Variants in MKI67 observed in about 807,000 individuals in gnomAD.
The protein encoded by MKI67 is marker of proliferation Ki-67, also known as proliferation marker protein Ki-67.
In MKI67, 152 loss-of-function variants were observed where a neutral mutation model predicts 233.5. The observed-to-expected ratio is 0.65, with a 90% CI of 0.57 to 0.74. The LOEUF is 0.74. Ranked by LOEUF, MKI67 falls within the 30% of genes least tolerant of loss-of-function variation. The probability of loss-of-function intolerance (pLI) is 0.00; values close to 1 mark genes in which losing one functional copy is unlikely to be tolerated. For missense variants in MKI67, 3,940 were observed against 3,885.2 expected (o/e 1.01, Z -0.37); for synonymous variants, 1,465 against 1,418.5 (o/e 1.03, Z -0.74).
rs1315867682 is a variant in MKI67 at position 128,115,506 on chromosome 10, T to C, written c.902A>G (p.His301Arg). The change falls in exon 7 of 15, where the codon CAC becomes CGC. Residue 301 changes from histidine to arginine, a missense_variant. Coordinates refer to ENST00000368654, the MANE Select transcript of MKI67 (RefSeq NM_002417.5). ...AGGTGAAGCAGGCTCTGCCACAGCG[T>C]GGCCGCTCCCACCAGATTTTGGTCT... The part of the protein sequence containing the change: ...KSRPKSGGSG[H>R]AVAEPASPEQ... 1.9e-6 allele frequency: 3 copies of C among 1,614,096 alleles called. No homozygotes were observed. The highest frequency in any genetic ancestry group is 8.5e-7 in the Non-Finnish European group (1 of 1,180,046).
rs571302493 is a variant in MKI67, at chr10:128,101,291, C to T, written c.9672G>A (p.Arg3224=). 8.7e-6 allele frequency: 14 copies of T among 1,614,084 alleles called. No homozygotes were observed. The highest frequency in any genetic ancestry group is 1.0e-5 in the Non-Finnish European group (12 of 1,180,024). ...LESKSVQRVT[R]SVKRCAENPK... ...GATTTTCTGCACACCTCTTGACACT[C>T]CGCGTTACTCTCTGCACAGATTTGC... The change falls in exon 14 of 15, where the codon CGG becomes CGA. Residue 3224 remains arginine, a synonymous_variant. Transcript: ENST00000368654.
rs748229703 is a variant in MKI67, at chr10:128,116,483, C to T, written c.400+8G>A. The T allele has an allele frequency of 6.8e-6, 11 of 1,613,756 alleles. No individual in the cohort carries two copies. In the South Asian group the frequency reaches 1.2e-4, roughly 18 times the overall value. The stretch of plus-strand genomic sequence containing the variant: ...AGGATTCTGGAACAAAACCCAACCA[C>T]TACTCACCAGGGTCAGAAGAGAAGC... On this transcript the variant is annotated splice_region_variant and intron_variant, in intron 6 of 14. Transcript: ENST00000368654.
chr10:128,097,670 C>T lies in MKI67; in HGVS notation c.*1520G>A, dbSNP rs1852239753. 1 of 152,164 alleles carries T rather than the reference C, an allele frequency of 6.6e-6. No individual in the cohort carries two copies. Among genetic ancestry groups the T allele is most frequent in the South Asian group, 2.1e-4 (1 of 4,830 alleles). 9.4% of individuals were successfully genotyped at this position (152,164 alleles called of 1,614,324 possible). A position where few individuals can be genotyped will look rare whatever the true frequency, so the allele number is the denominator to read the frequency against. On this transcript the variant is annotated 3_prime_UTR_variant, in exon 15 of 15. Transcript: ENST00000368654. ...GGAAGCATTTATGCCTCACACCTTC[C>T]AAAGTGCCTCTGCTAAGAGCCACTC...
Position 128,101,601 on chromosome 10 carries a change from T to C in MKI67, c.9362A>G (p.Glu3121Gly). The C allele has an allele frequency of 6.2e-7, 1 of 1,614,184 alleles. No individual in the cohort carries two copies. The highest frequency in any genetic ancestry group is 8.5e-7 in the Non-Finnish European group (1 of 1,180,034). ...TGGGGAGGTCTTCATGGGCTTCTTTTCATTTCTGTTTATTTCTATTCTTTC... is the reference window on the plus strand; with the variant it reads ...TGGGGAGGTCTTCATGGGCTTCTTTCCATTTCTGTTTATTTCTATTCTTTC... ...LAERIEINRN[E>G]KKPMKTSPEM... The change falls in exon 14 of 15, where the codon GAA becomes GGA. Residue 3121 changes from glutamate to glycine, a missense_variant. Glu to Gly is a moderately conservative substitution (Grantham distance 98, BLOSUM62 -2). Transcript: ENST00000368654.
Position 128,115,510 on chromosome 10 carries a change from C to T in MKI67, c.898G>A (p.Gly300Ser), listed in dbSNP as rs567704902. ...GAAGCAGGCTCTGCCACAGCGTGGC[C>T]GCTCCCACCAGATTTTGGTCTTGAC... is the stretch of plus-strand genomic sequence containing the variant. ...RKSRPKSGGSGHAVAEPASPE... is the reference protein window; with the variant it reads ...RKSRPKSGGSSHAVAEPASPE... Residue 300 changes from glycine to serine, a missense_variant, in exon 7 of 15, where the codon GGC becomes AGC. Gly to Ser is a moderately conservative substitution (Grantham distance 56, BLOSUM62 0). Coordinates refer to ENST00000368654, the MANE Select transcript of MKI67 (RefSeq NM_002417.5). 17 of 1,614,172 alleles carry T rather than the reference C, an allele frequency of 1.1e-5. No homozygotes were observed. Among genetic ancestry groups the T allele is most frequent in the Middle Eastern group, 1.6e-4 (1 of 6,062 alleles).
rs1174875429 is a variant in MKI67 at position 128,125,910 on chromosome 10, G to A, written c.-89-154C>T. Among the ~76,000 whole-genome samples the A allele has an allele frequency of 2.0e-5, 3 of 152,064 alleles. No individual in the cohort carries two copies. Among genetic ancestry groups the A allele is most frequent in the African/African-American group, 7.2e-5 (3 of 41,498 alleles). On this transcript the variant is annotated intron_variant, in intron 1 of 14. Transcript: ENST00000368654. This position sits in a 1 kb window ranked among gnomAD's most constrained non-coding sequence, Gnocchi z 5.3. ...GCAGCCCCCGGCGCCCCAAAGTCCG[G>A]CAGCTGGGGTGTTGTCGCCAGCGCC...
rs1321652458 is a variant in MKI67, at chr10:128,103,907, C to T, written c.7933G>A (p.Val2645Ile). 1 of 1,613,944 alleles carries T rather than the reference C, an allele frequency of 6.2e-7. No homozygotes were observed. The highest frequency in any genetic ancestry group is 1.7e-5 in the Admixed American group (1 of 59,994). ...TTCTTCTTTGCACGTTGCTTCAATA[C>T]TTTGATGCCCTCATCACCGCTTGCT... ...EPASGDEGIK[V>I]LKQRAKKKPN... Residue 2645 changes from valine (V) to isoleucine (I), a missense_variant, in exon 13 of 15, where the codon GTA becomes ATA. By Grantham distance (29) the Val-to-Ile change is conservative (BLOSUM62 3). Transcript: ENST00000368654.
rs1363314648 is a variant in MKI67, at chr10:128,104,885, A to G, written c.6955T>C (p.Phe2319Leu). 2.5e-6 allele frequency: 4 copies of G among 1,609,558 alleles called. No individual in the cohort carries two copies. In the Admixed American group the frequency reaches 6.7e-5, roughly 27 times the overall value. The change falls in exon 13 of 15, where the codon TTC becomes CTC. Residue 2319 changes from phenylalanine to leucine, a missense_variant. Coordinates refer to ENST00000368654, the MANE Select transcript of MKI67 (RefSeq NM_002417.5). ...CCTGGTGTCTGGAAGAGCTCTTTGA[A>G]GCCAGCCAGGTCTTCTAGAGCCTGG... The part of the protein sequence containing the change: ...KAQALEDLAG[F>L]KELFQTPGTD...
Position 128,112,178 on chromosome 10 carries a change from T to C in MKI67, c.1924A>G (p.Ile642Val). 1 of 1,614,216 alleles carries C rather than the reference T, an allele frequency of 6.2e-7. No homozygotes were observed. The highest frequency in any genetic ancestry group is 8.5e-7 in the Non-Finnish European group (1 of 1,180,032). The change falls in exon 9 of 15, where the codon ATA becomes GTA. Residue 642 changes from isoleucine to valine, a missense_variant. Transcript: ENST00000368654. ...GCACCACTTCTTCTTTTGGAACATA[T>C]CATCTGTAAAATATCATGTTGACTT... ...SRSQHDILQMICSKRRSGASE... is the reference protein window; with the variant it reads ...SRSQHDILQMVCSKRRSGASE...
In MKI67 at chr10:128,102,887, T is replaced by C; in HGVS notation, c.8953A>G (p.Ser2985Gly). The change falls in exon 13 of 15, where the codon AGC (serine) becomes GGC (glycine). Residue 2985 changes from serine (S) to glycine (G), a missense_variant. By Grantham distance (56) the Ser-to-Gly change is moderately conservative (BLOSUM62 0). Coordinates refer to ENST00000368654, the MANE Select transcript of MKI67 (RefSeq NM_002417.5). ...VSTRDPVKSQ[S>G]KSNTSLPPLP... ...GGGGGCAGGGAAGTGTTGCTTTTGC[T>C]TTGTGATTTTACAGGGTCTCTGGTG... 1 of 1,614,192 alleles carries C rather than the reference T, an allele frequency of 6.2e-7. No homozygotes were observed. Among genetic ancestry groups the C allele is most frequent in the Non-Finnish European group, 8.5e-7 (1 of 1,180,044 alleles).
In MKI67 at chr10:128,103,840, C is replaced by T. The variant is rs1852405256; in HGVS notation, c.8000G>A (p.Arg2667Lys). 6.2e-7 allele frequency: 1 copy of T among 1,613,950 alleles called. No homozygotes were observed. Among genetic ancestry groups the T allele is most frequent in the African/African-American group, 1.3e-5 (1 of 74,876 alleles). The change falls in exon 13 of 15, where the codon AGA (arginine) becomes AAA (lysine). Residue 2667 changes from arginine (R) to lysine (K), a missense_variant. Arg to Lys is a conservative substitution (Grantham distance 26, BLOSUM62 2). Transcript: ENST00000368654. ...GGGTTGGGCCTTTTCCTTAGGTGCT[C>T]TTGGCCTTCTCCTGCTGGGTTCCTC... ...VEEEPSRRRP[R>K]APKEKAQPLE...
At chr10:128,114,815 G>A in intron 7 of MKI67, 113 bp downstream of exon 7, 2 of 1,076,828 alleles carry the variant, frequency 1.9e-6, no homozygotes, top group Non-Finnish European at 2.7e-6. Flanking sequence ...TGTGCCTTAT[G>A]TGCTTACATT....
At chr10:128,119,838 C>T (rs1392312991) in intron 4 of MKI67, among the ~76,000 whole-genome samples, 2 of 152,208 alleles carry the variant, frequency 1.3e-5, no homozygotes, top group African/African-American at 2.4e-5. Flanking sequence ...GTTTCCCACA[C>T]ATTCAGTCTG....
At position 128,105,650 on chromosome 10, in the gene MKI67, T is replaced by C; in HGVS notation, c.6190A>G (p.Arg2064Gly). The C allele has an allele frequency of 6.2e-7, 1 of 1,613,578 alleles. No individual in the cohort carries two copies. Among genetic ancestry groups the C allele is most frequent in the Non-Finnish European group, 8.5e-7 (1 of 1,179,918 alleles). Residue 2064 changes from arginine (R) to glycine (G), a missense_variant, in exon 13 of 15, where the codon AGA (arginine) becomes GGA (glycine). By Grantham distance (125) the Arg-to-Gly change is moderately radical. Transcript: ENST00000368654. ...NYGTGMERWPRTPKEEAQSLE... is the reference protein window; with the variant it reads ...NYGTGMERWPGTPKEEAQSLE... ...GATTGGGCCTCTTCCTTAGGTGTTC[T>C]TGGCCACCTCTCCATCCCAGTTCCA...
At position 128,101,408 on chromosome 10, in the gene MKI67, A is replaced by G. The variant is rs746448069; in HGVS notation, c.9555T>C (p.Asn3185=). 3.7e-6 allele frequency: 6 copies of G among 1,613,912 alleles called. No individual in the cohort carries two copies. Among genetic ancestry groups the G allele is most frequent in the Non-Finnish European group, 5.1e-6 (6 of 1,180,018 alleles). ...TTCCTGCTTCTCCTTTCCCTTTCTG[A>G]TTCTGCATGAGAACCTTCGCACTCT... ...GQKSAKVLMQ[N]QKGKGEAGNS... The change falls in exon 14 of 15, where the codon AAT becomes AAC. Residue 3185 remains asparagine (N), a synonymous_variant. Transcript: ENST00000368654.
Position 128,107,363 on chromosome 10 carries a change from C to T in MKI67, c.4477G>A (p.Ala1493Thr), listed in dbSNP as rs370670603. Reference protein sequence around the residue: ...PTTHEKTTKIACRSQPDPVDT... With the variant: ...PTTHEKTTKITCRSQPDPVDT... ...ACTGGGTCTGGTTGTGATCTGCAGG[C>T]TATTTTGGTAGTTTTCTCGTGAGTC... The change falls in exon 13 of 15, where the codon GCC becomes ACC. Residue 1493 changes from alanine (A) to threonine (T), a missense_variant. Coordinates refer to ENST00000368654, the MANE Select transcript of MKI67 (RefSeq NM_002417.5). The T allele has an allele frequency of 4.0e-5, 65 of 1,613,370 alleles. No individual in the cohort carries two copies. Among genetic ancestry groups the T allele is most frequent in the Non-Finnish European group, 5.3e-5 (62 of 1,179,910 alleles).
chr10:128,110,425 C>A lies in MKI67; in HGVS notation c.2369G>T (p.Gly790Val). The A allele has an allele frequency of 6.3e-7, 1 of 1,587,804 alleles. No homozygotes were observed. The highest frequency in any genetic ancestry group is 1.1e-5 in the South Asian group (1 of 88,914). Residue 790 changes from glycine (G) to valine (V), a missense_variant, in exon 12 of 15, where the codon GGA (glycine) becomes GTA (valine). Gly to Val is a moderately radical substitution (Grantham distance 109, BLOSUM62 -3). Transcript: ENST00000368654. ...SENLLGKQFQ[G>V]TDSGEEPLLP... ...CAGAGGTTCTTCTCCTGAATCAGTT[C>A]CTTGAAACTGTTTTCCAAGCAAATT...
Position 128,104,740 on chromosome 10 carries a change from G to A in MKI67, c.7100C>T (p.Ala2367Val), listed in dbSNP as rs376757472. Reference protein sequence around the residue: ...KQRPKRNLRKADVEEEFLALR... With the variant: ...KQRPKRNLRKVDVEEEFLALR... ...TGCTAAAAATTCTTCCTCTACGTCT[G>A]CTTTCCTGAGGTTTCTCTTGGGCCG... Residue 2367 changes from alanine to valine, a missense_variant, in exon 13 of 15, where the codon GCA becomes GTA. By Grantham distance (64) the Ala-to-Val change is moderately conservative (BLOSUM62 0). Transcript: ENST00000368654. 7.4e-6 allele frequency: 12 copies of A among 1,613,898 alleles called. No homozygotes were observed. Among genetic ancestry groups the A allele is most frequent in the Non-Finnish European group, 1.0e-5 (12 of 1,180,014 alleles).
At position 128,115,353 on chromosome 10, in the gene MKI67, G is replaced by A; in HGVS notation, c.1055C>T (p.Ser352Leu). The change falls in exon 7 of 15, where the codon TCA becomes TTA. Residue 352 changes from serine (S) to leucine (L), a missense_variant. By Grantham distance (145) the Ser-to-Leu change is moderately radical (BLOSUM62 -2). Transcript: ENST00000368654. ...TTTTTGTGGAGAATTTTGTTGCTGTGAATATTGTACAGGGGTCTTCATTTT... is the reference window on the plus strand; with the variant it reads ...TTTTTGTGGAGAATTTTGTTGCTGTAAATATTGTACAGGGGTCTTCATTTT... Reference protein sequence around the residue: ...PAKMKTPVQYSQQQNSPQKHK... With the variant: ...PAKMKTPVQYLQQQNSPQKHK... 6.2e-7 allele frequency: 1 copy of A among 1,614,160 alleles called. No homozygotes were observed. Among genetic ancestry groups the A allele is most frequent in the Non-Finnish European group, 8.5e-7 (1 of 1,180,030 alleles).
Sources: allele counts gnomAD v4.1 joint callset (sites outside exome capture counted in the v4.1 genomes callset), GRCh38; gene constraint gnomAD v4.1.1; non-coding constraint Gnocchi (gnomAD v3.1); transcripts MANE v1.5; gene names NCBI Gene and HGNC (gene_info 2026-07-23, HGNC 2026-07-21).